PACRG: variants seen among roughly 807,000 people sequenced by gnomAD.
The protein encoded by PACRG is parkin coregulated, also known as parkin coregulated gene protein.
PACRG carries 29 observed loss-of-function variants against 29.7 expected under a neutral mutation model. The ratio of observed to expected loss-of-function variants is 0.98; its 90% CI spans 0.73 to 1.33. The LOEUF is 1.33. Among genes scored for constraint, PACRG ranks in the 40% most tolerant of loss-of-function variants. PACRG has a pLI of 0.00. For synonymous variants in PACRG, 116 were observed against 118.7 expected (o/e 0.98, Z 0.15); for missense variants, 279 against 316.2 (o/e 0.88, Z 0.89).
rs1267928476 is a variant in PACRG, at chr6:162,747,345, TATATATATATATATATATACACATAC to T, written c.156+18963_156+18988del. On this transcript the variant is annotated intron_variant, in intron 1 of 4. Transcript: ENST00000366888. ...TTGCTCATATATATATATATATATA[TATATATATATATATATATACACATAC>T]ATATATATGTATATATATGTATATA... Among the ~76,000 whole-genome samples, 40 of 75,416 alleles carry T rather than the reference TATATATATATATATATATACACATAC, an allele frequency of 5.3e-4. 2 individuals carry two copies. The highest frequency in any genetic ancestry group is 7.5e-4 in the Non-Finnish European group (32 of 42,552). The allele number at this position is 75,416 out of a possible 152,430, so 49.5% of individuals were successfully genotyped here. A position where few individuals can be genotyped will look rare whatever the true frequency, so the allele number is the denominator to read the frequency against.
chr6:163,187,115 A>G (rs1779977301), intron 4 of PACRG, among the ~76,000 whole-genome samples: 1 of 152,104 alleles, frequency 6.6e-6, no homozygotes, highest in Non-Finnish European at 1.5e-5. Flanking sequence ...TGTTTTTCTC[A>G]AAGTCTGTTT....
At chr6:163,069,925 A>G (rs561841666) in intron 3 of PACRG, among the ~76,000 whole-genome samples, 3 of 152,322 alleles carry the variant, frequency 2.0e-5, no homozygotes, top group Admixed American at 6.5e-5. Context: ...AAGAGAAAAT[A>G]AACAAATAAC....
At chr6:162,760,482 T>A (rs1402978305) in intron 1 of PACRG, among the ~76,000 whole-genome samples, 1 of 152,100 alleles carries the variant, frequency 6.6e-6, no homozygotes, top group Admixed American at 6.5e-5. Context: ...CAGTGGCAGA[T>A]GAGGAGCTCA....
chr6:162,956,198 C>G (rs1172558537), intron 2 of PACRG, among the ~76,000 whole-genome samples: 1 of 152,126 alleles, frequency 6.6e-6, no homozygotes, highest in East Asian at 1.9e-4. Flanking sequence ...TCAAAGAGAA[C>G]AAGAGCATTC....
At chr6:163,031,733 A>G (rs1464185679) in intron 2 of PACRG, among the ~76,000 whole-genome samples, 3 of 152,188 alleles carry the variant, frequency 2.0e-5, no homozygotes, top group Admixed American at 6.5e-5. Context: ...GAGCCCAGCC[A>G]TGGGTTTCTA....
At chr6:162,906,665 T>C (rs1023726768) in intron 2 of PACRG, among the ~76,000 whole-genome samples, 1 of 152,206 alleles carries the variant, frequency 6.6e-6, no homozygotes, top group Non-Finnish European at 1.5e-5. Context: ...TGTTTACCTG[T>C]ACATCAATAC....
At chr6:163,275,774 A>G (rs188805121) in intron 4 of PACRG, among the ~76,000 whole-genome samples, 18 of 152,260 alleles carry the variant, frequency 1.2e-4, no homozygotes, top group African/African-American at 3.9e-4. Flanking sequence ...ATAAAGGATC[A>G]GATTTTCCAA....
At chr6:163,178,855 T>C (rs1007580750) in intron 4 of PACRG, among the ~76,000 whole-genome samples, 2 of 152,174 alleles carry the variant, frequency 1.3e-5, no homozygotes, top group African/African-American at 4.8e-5. Flanking sequence ...TGGAATTCAG[T>C]CTCTCTGGTG....
At chr6:162,769,357 C>T (rs764310589) in intron 1 of PACRG, among the ~76,000 whole-genome samples, 4 of 151,694 alleles carry the variant, frequency 2.6e-5, no homozygotes, top group African/African-American at 4.8e-5. Flanking sequence ...ATCCTAATAC[C>T]GGGGACAAAC....
intron 1 of PACRG, among the ~76,000 whole-genome samples, chr6:162,778,357 A>T (rs1052679724): frequency 6.6e-6 from 1 of 152,178 alleles, no homozygotes; most frequent in South Asian, 2.1e-4. Context: ...TATAAGTGCT[A>T]TAAGCGTAAG....
rs557500208 is a variant in PACRG at position 162,853,712 on chromosome 6, G to A, written c.291+39431G>A. Among the ~76,000 whole-genome samples, 1 of 152,346 alleles carries A rather than the reference G, an allele frequency of 6.6e-6. No individual in the cohort carries two copies. Among genetic ancestry groups the A allele is most frequent in the South Asian group, 2.1e-4 (1 of 4,822 alleles). On this transcript the variant is annotated intron_variant, in intron 2 of 4. Transcript: ENST00000366888. The surrounding 1 kb of genome is among the most constrained non-coding windows in gnomAD (Gnocchi z 4.7). Reference sequence around the variant, plus strand: ...TGTACAACAAACGCCCATGATGCGTGTTTGTCTATGTAACAAACCTTCACA... The same window carrying A: ...TGTACAACAAACGCCCATGATGCGTATTTGTCTATGTAACAAACCTTCACA...
chr6:162,828,416 A>C (rs1321049932), intron 2 of PACRG, among the ~76,000 whole-genome samples: 1 of 152,176 alleles, frequency 6.6e-6, no homozygotes, highest in Non-Finnish European at 1.5e-5. Context: ...ATTGGTGCTC[A>C]TGTAACTTGT....
chr6:163,241,588 G>T (rs114827028), intron 4 of PACRG, among the ~76,000 whole-genome samples: 1,941 of 152,274 alleles, frequency 0.013, 42 homozygotes, highest in African/African-American at 0.044. Flanking sequence ...AGCTGAAAAG[G>T]CAGGGTACCA....
intron 4 of PACRG, among the ~76,000 whole-genome samples, chr6:163,207,960 G>A (rs1161908891): frequency 6.6e-6 from 1 of 152,242 alleles, no homozygotes; most frequent in Non-Finnish European, 1.5e-5. Context: ...CTGAGAAGGA[G>A]TGGGGACTTG....
chr6:163,058,569 T>A (rs535564750), intron 2 of PACRG, among the ~76,000 whole-genome samples: 17 of 151,064 alleles, frequency 1.1e-4, no homozygotes, highest in Non-Finnish European at 2.2e-4. Flanking sequence ...GGCCAGGTGA[T>A]CTCTAATAAA....
chr6:162,864,478 A>T (rs1792129740), intron 2 of PACRG, among the ~76,000 whole-genome samples: 1 of 152,066 alleles, frequency 6.6e-6, no homozygotes, highest in African/African-American at 2.4e-5. Context: ...ACGATAGGCA[A>T]ATAGAAGTAC....
rs118180175 is a variant in PACRG at position 162,983,391 on chromosome 6, G to C, written c.292-78759G>C. On this transcript the variant is annotated intron_variant, in intron 2 of 4. Coordinates refer to ENST00000366888, the MANE Select transcript of PACRG (RefSeq NM_001080379.2). ...CCTTATTTTTTTTTCCATTGTGTTA[G>C]TGTTTTATAGGCCCTGTGAGATTTA... Among the ~76,000 whole-genome samples, 494 of 151,656 alleles carry C rather than the reference G, an allele frequency of 3.3e-3. 11 individuals carry two copies. Among genetic ancestry groups the C allele is most frequent in the Admixed American group, 0.026 (391 of 15,180 alleles).
chr6:162,816,630 G>T (rs1210529150), intron 2 of PACRG, among the ~76,000 whole-genome samples: 3 of 152,160 alleles, frequency 2.0e-5, no homozygotes, highest in Non-Finnish European at 4.4e-5. Context: ...GGGATTACAG[G>T]CGTGAGCCAC....
intron 3 of PACRG, among the ~76,000 whole-genome samples, chr6:163,063,556 T>C (rs2128266728): frequency 6.6e-6 from 1 of 152,348 alleles, no homozygotes; most frequent in East Asian, 1.9e-4. Context: ...TATTCATTCA[T>C]TCGAATTTAT....
Sources: gnomAD v4.1 joint callset for allele counts (sites outside exome capture counted in the v4.1 genomes callset) on GRCh38, gnomAD v4.1.1 for gene constraint, Gnocchi (gnomAD v3.1) non-coding constraint, MANE v1.5 for transcripts, NCBI Gene and HGNC (gene_info 2026-07-23, HGNC 2026-07-21) for gene names.